The following RBM6 variants were observed in gnomAD, a reference collection of about 807,000 sequenced individuals.
The protein encoded by RBM6 is RNA-binding protein 6.
A neutral mutation model predicts 140.4 loss-of-function variants in RBM6; 23 were observed. That is an observed-to-expected ratio of 0.16 (90% CI 0.12 to 0.23). The LOEUF is 0.23. Ranked by LOEUF, RBM6 falls within the 10% of genes least tolerant of loss-of-function variation. The probability of loss-of-function intolerance (pLI) is 1.00; values close to 1 mark genes in which losing one functional copy is unlikely to be tolerated. For synonymous variants in RBM6, 439 were observed against 475.6 expected (o/e 0.92, Z 1.00); for missense variants, 1,139 against 1,386.7 (o/e 0.82, Z 2.84).
chr3:50,003,549 C>T (rs2086441542), intron 6 of RBM6, among the ~76,000 whole-genome samples: 1 of 152,028 alleles, frequency 6.6e-6, no homozygotes, highest in South Asian at 2.1e-4. Flanking sequence ...ACTTGTAGGC[C>T]TAGGGGATGG....
At chr3:50,075,390 T>C (rs990381972) in intron 20 of RBM6, 60 bp downstream of exon 20, 4 of 1,591,638 alleles carry the variant, frequency 2.5e-6, no homozygotes, top group Non-Finnish European at 3.4e-6. Flanking sequence ...TAACTTTCAC[T>C]TTCTGGCCTA....
At chr3:49,974,667 C>T (rs1177960779) in intron 4 of RBM6, among the ~76,000 whole-genome samples, 143 of 141,336 alleles carry the variant, frequency 1.0e-3, no homozygotes, top group Non-Finnish European at 1.5e-3. Flanking sequence ...CCACCGTGCC[C>T]GGCCAATTTT....
At chr3:49,988,946 C>CA (rs987147908) in intron 5 of RBM6, among the ~76,000 whole-genome samples, 3 of 130,120 alleles carry the variant, frequency 2.3e-5, no homozygotes, top group African/African-American at 5.4e-5. Flanking sequence ...GACTCCATCT[C>CA]AAAAAAAAGA....
chr3:49,968,861 G>A, intron 3 of RBM6, 113 bp downstream of exon 3: 3 of 1,275,964 alleles, frequency 2.4e-6, no homozygotes, highest in Non-Finnish European at 3.1e-6. Flanking sequence ...GCTCATGCAA[G>A]CTCCGCCTCC....
intron 6 of RBM6, among the ~76,000 whole-genome samples, chr3:50,041,374 C>G (rs2108858528): frequency 6.6e-6 from 1 of 152,326 alleles, no homozygotes; most frequent in East Asian, 1.9e-4. Flanking sequence ...ATAGGGCATT[C>G]TTTGTACTTC....
chr3:50,048,686 G>A (rs1250093550), intron 7 of RBM6, among the ~76,000 whole-genome samples: 6 of 152,156 alleles, frequency 3.9e-5, no homozygotes, highest in Non-Finnish European at 8.8e-5. Context: ...AGTTCTTTGG[G>A]AGTCGTACAT....
Position 49,968,770 on chromosome 3 carries a change from C to CTTTTTTTTTTT in RBM6, c.1323+40_1323+50dup, listed in dbSNP as rs569224640. 1.6e-5 allele frequency: 11 copies of CTTTTTTTTTTT among 700,116 alleles called. 1 individual carries two copies. In the African/African-American group the frequency reaches 2.9e-4, roughly 18 times the overall value. The allele number at this position is 700,116 out of a possible 1,614,324, so 43.4% of individuals were successfully genotyped here. On this transcript the variant is annotated intron_variant, in intron 3 of 20. Transcript: ENST00000266022. ...TCAGGTATGTTGATGGGGTGGATTG[C>CTTTTTTTTTTT]TTTTTTTTTTTTTTTTTTTTTTTTT...
chr3:50,006,023 C>T (rs2086555085), intron 6 of RBM6, among the ~76,000 whole-genome samples: 1 of 151,160 alleles, frequency 6.6e-6, no homozygotes. Flanking sequence ...GTTTAAGGAT[C>T]GATGACTTGA....
At chr3:50,009,336 TAG>T (rs2086731701) in intron 6 of RBM6, among the ~76,000 whole-genome samples, 1 of 152,158 alleles carries the variant, frequency 6.6e-6, no homozygotes, top group Non-Finnish European at 1.5e-5. Context: ...GCATTGCAGG[TAG>T]TTCTTTTATC....
chr3:50,040,084 A>T (rs2088792244), intron 6 of RBM6, among the ~76,000 whole-genome samples: 1 of 152,114 alleles, frequency 6.6e-6, no homozygotes, highest in Non-Finnish European at 1.5e-5. Context: ...TTTAAAATGC[A>T]TGTAAGACCT....
In RBM6 at chr3:50,066,433, G is replaced by T. The variant is rs771685041; in HGVS notation, c.2874G>T (p.Leu958=). 1.9e-6 allele frequency: 3 copies of T among 1,613,892 alleles called. No homozygotes were observed. The highest frequency in any genetic ancestry group is 1.7e-6 in the Non-Finnish European group (2 of 1,180,040). Residue 958 remains leucine (L), a synonymous_variant, in exon 17 of 21, where the codon CTG becomes CTT. Coordinates refer to ENST00000266022, the MANE Select transcript of RBM6 (RefSeq NM_005777.3). ...CTGACTGGAATAAACTGGCTTGTCT[G>T]CTTTGCAGAAGGCAGTTTCCCAATA... The part of the protein sequence containing the change: ...KLTDWNKLAC[L]LCRRQFPNKE...
chr3:50,017,582 A>G (rs1049642359), intron 6 of RBM6, among the ~76,000 whole-genome samples: 14 of 152,116 alleles, frequency 9.2e-5, no homozygotes, highest in African/African-American at 2.9e-4. Context: ...GAAAAAGAAA[A>G]AAAAATGTCT....
At chr3:50,001,845 CTGAT>C (rs937471690) in intron 6 of RBM6, among the ~76,000 whole-genome samples, 2 of 152,150 alleles carry the variant, frequency 1.3e-5, no homozygotes, top group African/African-American at 4.8e-5. Flanking sequence ...AATGTAATAG[CTGAT>C]AGCTGAGTGC....
chr3:49,980,191 G>A (rs543098451), intron 5 of RBM6, among the ~76,000 whole-genome samples: 8 of 151,490 alleles, frequency 5.3e-5, no homozygotes, highest in African/African-American at 1.9e-4. Context: ...TTTTAGTAGC[G>A]ACAGGGTTGC....
rs745544778 is a variant in RBM6, at chr3:49,968,492, A to T, written c.1067A>T (p.Asp356Val). The T allele has an allele frequency of 6.2e-7, 1 of 1,614,224 alleles. No homozygotes were observed. The highest frequency in any genetic ancestry group is 8.5e-7 in the Non-Finnish European group (1 of 1,180,044). The change falls in exon 3 of 21, where the codon GAC (aspartate) becomes GTC (valine). Residue 356 changes from aspartate (D) to valine (V), a missense_variant. Transcript: ENST00000266022. ...GCCTTTGAACATGAGTCTCCAGCAG[A>T]CTTTCAGAACAGCCAAAGTCCAGTT... Reference protein sequence around the residue: ...GVAFEHESPADFQNSQSPVQD... With the variant: ...GVAFEHESPAVFQNSQSPVQD...
intron 6 of RBM6, among the ~76,000 whole-genome samples, chr3:50,001,480 T>C (rs1173881448): frequency 6.6e-6 from 1 of 152,094 alleles, no homozygotes; most frequent in African/African-American, 2.4e-5. Context: ...AGTTAACTAT[T>C]TATATAGTCT....
intron 6 of RBM6, among the ~76,000 whole-genome samples, chr3:50,045,162 T>C (rs1575796713): frequency 6.6e-6 from 1 of 152,198 alleles, no homozygotes; most frequent in East Asian, 1.9e-4. Context: ...CAAAAGGTCA[T>C]CCACAGCTAC....
At chr3:50,011,894 C>T (rs2086867876) in intron 6 of RBM6, among the ~76,000 whole-genome samples, 1 of 150,242 alleles carries the variant, frequency 6.7e-6, no homozygotes, top group African/African-American at 2.5e-5. Flanking sequence ...GCTCTGTTGC[C>T]CAAGCTGAGT....
intron 6 of RBM6, among the ~76,000 whole-genome samples, chr3:50,029,031 T>C (rs1457985278): frequency 1.3e-5 from 2 of 152,222 alleles, no homozygotes; most frequent in Admixed American, 1.3e-4. Flanking sequence ...TCATTTTAGC[T>C]TTCAAATTTC....
Sources: gnomAD v4.1 joint callset for allele counts (sites outside exome capture counted in the v4.1 genomes callset) on GRCh38, gnomAD v4.1.1 for gene constraint, MANE v1.5 for transcripts, NCBI Gene and HGNC (gene_info 2026-07-23, HGNC 2026-07-21) for gene names.